EYA1: variants seen among roughly 807,000 people sequenced by gnomAD.
EYA1 encodes the protein protein phosphatase EYA1.
A neutral mutation model predicts 82.0 loss-of-function variants in EYA1; 16 were observed. That is an observed-to-expected ratio of 0.20 (90% confidence interval 0.13 to 0.30). The LOEUF (loss-of-function observed/expected upper bound fraction) is 0.30. Among genes scored for constraint, EYA1 ranks in the 10% least tolerant of loss-of-function variants. The pLI, the probability that EYA1 is intolerant of heterozygous loss-of-function variation, is 1.00. For synonymous variants in EYA1, 261 were observed against 264.4 expected (o/e 0.99, Z 0.12); for missense variants, 633 against 730.7 (o/e 0.87, Z 1.54).
chr8:71,495,354 C>T (rs1811335146), intron 2 of EYA1, among the ~76,000 whole-genome samples: 1 of 152,194 alleles, frequency 6.6e-6, no homozygotes, highest in East Asian at 1.9e-4. Context: ...TGGCTCACGC[C>T]TGTAATCCCA....
At chr8:71,425,918 C>T (rs529202249) in intron 2 of EYA1, among the ~76,000 whole-genome samples, 6 of 152,274 alleles carry the variant, frequency 3.9e-5, no homozygotes, top group South Asian at 2.1e-4. Context: ...ATCTCCACTC[C>T]GGATGTCAGA....
intron 2 of EYA1, among the ~76,000 whole-genome samples, chr8:71,534,664 A>G (rs189900963): frequency 1.1e-3 from 161 of 152,278 alleles, no homozygotes; most frequent in African/African-American, 3.7e-3. Context: ...AGAAAACGAA[A>G]CACTGCATGT....
intron 2 of EYA1, among the ~76,000 whole-genome samples, chr8:71,516,443 T>C (rs1812980389): frequency 6.6e-6 from 1 of 152,140 alleles, no homozygotes; most frequent in Non-Finnish European, 1.5e-5. Flanking sequence ...CTTTGACTTC[T>C]ATATAGAAGG....
At position 71,361,630 on chromosome 8, in the gene EYA1, A is replaced by C. The variant is rs1403216575; in HGVS notation, c.-55+17T>G. 1 of 982,036 alleles carries C rather than the reference A, an allele frequency of 1.0e-6. No homozygotes were observed. The highest frequency in any genetic ancestry group is 1.7e-5 in the African/African-American group (1 of 57,188). The allele number at this position is 982,036 out of a possible 1,614,324, so 60.8% of individuals were successfully genotyped here. Reference sequence around the variant, plus strand: ...TGTCAGTCACTACAATTTTTCAAACAGTCAGCTTGTACTTACAGCGCTTAC... The same window carrying C: ...TGTCAGTCACTACAATTTTTCAAACCGTCAGCTTGTACTTACAGCGCTTAC... On this transcript the variant is annotated intron_variant, in intron 1 of 17. Coordinates refer to ENST00000340726, the MANE Select transcript of EYA1 (RefSeq NM_000503.6).
rs779243288 is a variant in EYA1 at position 71,215,495 on chromosome 8, T to C, written c.1489A>G (p.Asn497Asp). ...AGCTGAGTAGTTGTTACTAAAATATTCACACAGTTTGTCCTATGAGAACAA... is the reference window on the plus strand; with the variant it reads ...AGCTGAGTAGTTGTTACTAAAATATCCACACAGTTTGTCCTATGAGAACAA... ...SLIHSRTNCV[N>D]ILVTTTQLIP... is the part of the protein sequence containing the mutation. Residue 497 changes from asparagine (N) to aspartate (D), a missense_variant, in exon 16 of 18, where the codon AAT (asparagine) becomes GAT (aspartate). By Grantham distance (23) the Asn-to-Asp change is conservative (BLOSUM62 1). Transcript: ENST00000340726. The C allele has an allele frequency of 3.7e-6, 6 of 1,613,790 alleles. No individual in the cohort carries two copies. Among genetic ancestry groups the C allele is most frequent in the Non-Finnish European group, 5.1e-6 (6 of 1,179,782 alleles).
rs543652237 is a variant in EYA1 at position 71,199,147 on chromosome 8, G to A, written c.*193C>T. ...TTTTCACTGGATTCACAGTACTAGA[G>A]TCAACAGCTGTTCTGATGAAATAGA... is the stretch of plus-strand genomic sequence containing the variant. On this transcript the variant is annotated 3_prime_UTR_variant, in exon 18 of 18. Coordinates refer to ENST00000340726, the MANE Select transcript of EYA1 (RefSeq NM_000503.6). 1.5e-6 allele frequency: 1 copy of A among 651,776 alleles called. No homozygotes were observed. The highest frequency in any genetic ancestry group is 1.7e-5 in the South Asian group (1 of 58,726). The allele number at this position is 651,776 out of a possible 1,614,324, so 40.4% of individuals were successfully genotyped here.
chr8:71,376,884 T>C (rs1312634600), intron 2 of EYA1, among the ~76,000 whole-genome samples: 2 of 152,186 alleles, frequency 1.3e-5, no homozygotes, highest in Non-Finnish European at 2.9e-5. Context: ...CCCGCTGCCC[T>C]GCCCAGGCTC....
At position 71,224,799 on chromosome 8, in the gene EYA1, T is replaced by A. The variant is rs551506420; in HGVS notation, c.1141-7776A>T. ...GTGACCAGTGTTTGAGTGACAAAGGTCTTAAGGGAATGCTCTCCATGGTGG... is the reference window on the plus strand; with the variant it reads ...GTGACCAGTGTTTGAGTGACAAAGGACTTAAGGGAATGCTCTCCATGGTGG... On this transcript the variant is annotated intron_variant, in intron 12 of 17. Coordinates refer to ENST00000340726, the MANE Select transcript of EYA1 (RefSeq NM_000503.6). 7.9e-5 allele frequency among the ~76,000 whole-genome samples: 12 copies of A among 152,262 alleles called. 1 individual carries two copies. In the South Asian group the frequency reaches 2.3e-3, roughly 29 times the overall value.
At chr8:71,522,962 A>T (rs1367282156) in intron 2 of EYA1, among the ~76,000 whole-genome samples, 1 of 152,088 alleles carries the variant, frequency 6.6e-6, no homozygotes, top group South Asian at 2.1e-4. Context: ...TTAATATGCA[A>T]TTCTATTATA....
At chr8:71,460,369 C>T (rs1178965025) in intron 2 of EYA1, among the ~76,000 whole-genome samples, 1 of 152,122 alleles carries the variant, frequency 6.6e-6, no homozygotes, top group African/African-American at 2.4e-5. Flanking sequence ...GAATGTGCAG[C>T]CTGGATTGTG....
chr8:71,360,729 A>G (rs1347611086), intron 1 of EYA1, among the ~76,000 whole-genome samples: 4 of 152,276 alleles, frequency 2.6e-5, no homozygotes, highest in Non-Finnish European at 4.4e-5. Context: ...AAGACACATT[A>G]TAAAAACAAT....
At chr8:71,285,108 C>T (rs1044509032) in intron 9 of EYA1, among the ~76,000 whole-genome samples, 9 of 152,138 alleles carry the variant, frequency 5.9e-5, no homozygotes, top group Admixed American at 2.6e-4. Flanking sequence ...GAAACGTTGA[C>T]GAACATCATT....
At chr8:71,396,241 A>G (rs1421546532) in intron 2 of EYA1, among the ~76,000 whole-genome samples, 1 of 152,046 alleles carries the variant, frequency 6.6e-6, no homozygotes, top group African/African-American at 2.4e-5. Flanking sequence ...TCAAAAAACC[A>G]GCTCCTGGAT....
rs4372032 is a variant in EYA1, at chr8:71,421,415, T to A, written c.34-64904A>T. Among the ~76,000 whole-genome samples, 906 of 152,318 alleles carry A rather than the reference T, an allele frequency of 5.9e-3. 13 individuals are homozygous for A. Among genetic ancestry groups the A allele is most frequent in the African/African-American group, 0.021 (870 of 41,576 alleles). ...AGTGATTCGCTCAAGGCCATCCAAC[T>A]GTTTAATGAAAGAACCAAACTGAAA... On this transcript the variant is annotated intron_variant, in intron 2 of 18. Transcript: ENST00000643681.
intron 2 of EYA1, among the ~76,000 whole-genome samples, chr8:71,527,508 G>A (rs1407142312): frequency 6.6e-6 from 1 of 152,198 alleles, no homozygotes; most frequent in Non-Finnish European, 1.5e-5. Context: ...GGAACAAAAT[G>A]AGAAATCTTG....
intron 3 of EYA1, chr8:71,334,418 T>A (rs1824252650): frequency 1.9e-6 from 1 of 535,506 alleles, no homozygotes; most frequent in Non-Finnish European, 3.4e-6. Context: ...TAAAAGTAAT[T>A]AAATTCATCA....
intron 17 of EYA1, among the ~76,000 whole-genome samples, chr8:71,200,725 T>C (rs1403756539): frequency 6.6e-6 from 1 of 152,056 alleles, no homozygotes; most frequent in Non-Finnish European, 1.5e-5. Flanking sequence ...TAGAGATGCA[T>C]GTGTCGCTGC....
chr8:71,486,725 G>T (rs1810599872), intron 2 of EYA1, among the ~76,000 whole-genome samples: 1 of 152,162 alleles, frequency 6.6e-6, no homozygotes, highest in Non-Finnish European at 1.5e-5. Context: ...GCTCCCAGTG[G>T]ATGCAAGGGT....
intron 11 of EYA1, among the ~76,000 whole-genome samples, chr8:71,255,213 C>T (rs1321574716): frequency 6.6e-6 from 1 of 152,026 alleles, no homozygotes; most frequent in Non-Finnish European, 1.5e-5. Context: ...CTATCAAATC[C>T]CCAATAGTAT....
Sources: allele counts gnomAD v4.1 joint callset (sites outside exome capture counted in the v4.1 genomes callset), GRCh38; gene constraint gnomAD v4.1.1; transcripts MANE v1.5; gene names NCBI Gene and HGNC (gene_info 2026-07-23, HGNC 2026-07-21).